The following MLLT10 variants were observed in gnomAD, a reference collection of about 807,000 sequenced individuals.
MLLT10 encodes protein AF-10.
MLLT10 carries 30 observed loss-of-function variants against 129.1 expected under a neutral mutation model. That is an observed-to-expected ratio of 0.23 (90% CI 0.17 to 0.32). The LOEUF is 0.32. MLLT10 is among the 10% of genes least tolerant of loss of function. The probability of loss-of-function intolerance (pLI) is 1.00; values close to 1 mark genes in which losing one functional copy is unlikely to be tolerated. For missense variants in MLLT10, 1,119 were observed against 1,268.3 expected (o/e 0.88, Z 1.79); for synonymous variants, 490 against 446.4 (o/e 1.10, Z -1.23).
At chr10:21,736,867 G>C (rs74884434) in intron 21 of MLLT10, among the ~76,000 whole-genome samples, 198 of 152,310 alleles carry the variant, frequency 1.3e-3, no homozygotes, top group African/African-American at 4.5e-3. Flanking sequence ...AGAGCCATCA[G>C]ATTTGATGCG....
In MLLT10 at chr10:21,572,499, G is replaced by T. The variant is rs141063326; in HGVS notation, c.241-13795G>T. On this transcript the variant is annotated intron_variant, in intron 3 of 22. Coordinates refer to ENST00000307729, the MANE Select transcript of MLLT10 (RefSeq NM_001195626.3). The stretch of plus-strand genomic sequence containing the variant: ...GAGAACTGACATCTTAACAACGATT[G>T]AGTCTTAATCATTAGTATAGTATAT... Among the ~76,000 whole-genome samples the T allele has an allele frequency of 1.6e-4, 25 of 152,282 alleles. No homozygotes were observed. The East Asian group carries it at 3.7e-3, about 22-fold the overall frequency.
chr10:21,711,457 T>A (rs1280676652), intron 13 of MLLT10, among the ~76,000 whole-genome samples: 1 of 151,630 alleles, frequency 6.6e-6, no homozygotes, highest in Non-Finnish European at 1.5e-5. Context: ...GCATGGTGGC[T>A]CATGCGTGTG....
chr10:21,651,064 TTTGTTTTG>T (rs1371684190), intron 8 of MLLT10, among the ~76,000 whole-genome samples: 2 of 151,780 alleles, frequency 1.3e-5, no homozygotes. Context: ...TTTGTTTTGT[TTTGTTTTG>T]TTTTGTTTTG....
In MLLT10 at chr10:21,733,763, G is replaced by T. The variant is rs761084976; in HGVS notation, c.2497-5G>T. ...GGACTTAGTTTCTCTTCTTTCTTAC[G>T]CTAGGACTTAACCTCCAGTGGACAA... On this transcript the variant is annotated splice_polypyrimidine_tract_variant and splice_region_variant and intron_variant, in intron 19 of 22. Coordinates refer to ENST00000307729, the MANE Select transcript of MLLT10 (RefSeq NM_001195626.3). 5.0e-6 allele frequency: 8 copies of T among 1,606,064 alleles called. No individual in the cohort carries two copies. The Admixed American group carries it at 1.0e-4, about 20-fold the overall frequency.
At chr10:21,580,389 A>T (rs912681507) in intron 3 of MLLT10, among the ~76,000 whole-genome samples, 17 of 129,648 alleles carry the variant, frequency 1.3e-4, no homozygotes, top group South Asian at 4.9e-4. Flanking sequence ...TATTTTGTGT[A>T]TTTTTTTTTT....
intron 13 of MLLT10, among the ~76,000 whole-genome samples, chr10:21,689,693 G>C (rs1324047109): frequency 7.1e-6 from 1 of 141,782 alleles, no homozygotes; most frequent in East Asian, 2.1e-4. Context: ...TTACCTCCAA[G>C]ATACTGATAT....
chr10:21,676,022 C>T (rs1011774588), intron 11 of MLLT10, among the ~76,000 whole-genome samples: 2 of 152,052 alleles, frequency 1.3e-5, no homozygotes, highest in Admixed American at 6.6e-5. Context: ...TCTTACCTTA[C>T]CATTAGGTAA....
intron 14 of MLLT10, among the ~76,000 whole-genome samples, chr10:21,723,891 A>G (rs2057302428): frequency 1.3e-5 from 2 of 152,180 alleles, no homozygotes; most frequent in Non-Finnish European, 2.9e-5. Flanking sequence ...GACTGGTAAT[A>G]TCTGTTTTTT....
chr10:21,673,318 C>CATTTTTTT, intron 10 of MLLT10, 32 bp from the exon 11 acceptor site: 1 of 307,342 alleles, frequency 3.3e-6, no homozygotes, highest in South Asian at 7.0e-5. Flanking sequence ...CACCCCCCAA[C>CATTTTTTT]TTTTTTTTTT....
intron 8 of MLLT10, 42 bp from the exon 9 acceptor site, chr10:21,651,631 A>T (rs778896531): frequency 7.2e-7 from 1 of 1,387,764 alleles, no homozygotes; most frequent in South Asian, 1.2e-5. Flanking sequence ...ATATGGGGTT[A>T]TAGTTAAATT....
At chr10:21,648,193 T>C (rs2048687581) in intron 8 of MLLT10, among the ~76,000 whole-genome samples, 1 of 152,240 alleles carries the variant, frequency 6.6e-6, no homozygotes, top group South Asian at 2.1e-4. Context: ...CATATGTTTT[T>C]AGTGACAGTC....
At chr10:21,539,408 A>G (rs1286414926) in intron 3 of MLLT10, among the ~76,000 whole-genome samples, 2 of 151,362 alleles carry the variant, frequency 1.3e-5, no homozygotes, top group African/African-American at 4.9e-5. Context: ...ACCAACATAA[A>G]AATCTTTTTT....
intron 2 of MLLT10, among the ~76,000 whole-genome samples, chr10:21,537,037 C>T (rs1034718082): frequency 5.9e-5 from 9 of 152,038 alleles, no homozygotes; most frequent in Admixed American, 4.6e-4. Flanking sequence ...ATCTGCCTGC[C>T]TTGGCCTTCC....
At chr10:21,580,123 A>T (rs1320654651) in intron 3 of MLLT10, among the ~76,000 whole-genome samples, 1 of 150,262 alleles carries the variant, frequency 6.7e-6, no homozygotes. Context: ...GGCACAAGTG[A>T]TCCTCCTGCC....
rs558524708 is a variant in MLLT10, at chr10:21,653,177, T to G, written c.795+1409T>G. Reference sequence around the variant, plus strand: ...AGAAGTCTGGGTGGACTCAGCTGTTTCCTCTAATTAGGGTCTCTCAAGGCC... The same window carrying G: ...AGAAGTCTGGGTGGACTCAGCTGTTGCCTCTAATTAGGGTCTCTCAAGGCC... On this transcript the variant is annotated intron_variant, in intron 9 of 22. Transcript: ENST00000307729. Among the ~76,000 whole-genome samples the G allele has an allele frequency of 2.0e-5, 3 of 152,232 alleles. No homozygotes were observed. The East Asian group carries it at 5.8e-4, about 29-fold the overall frequency.
chr10:21,591,924 T>TA (rs2042548637), intron 4 of MLLT10, among the ~76,000 whole-genome samples: 1 of 152,214 alleles, frequency 6.6e-6, no homozygotes, highest in African/African-American at 2.4e-5. Flanking sequence ...TTTCACTATA[T>TA]TGGCCAGGCT....
At chr10:21,698,316 T>G (rs1243416839) in intron 13 of MLLT10, among the ~76,000 whole-genome samples, 1 of 152,180 alleles carries the variant, frequency 6.6e-6, no homozygotes, top group Non-Finnish European at 1.5e-5. Flanking sequence ...TGAGCACATG[T>G]GGTATTTGTC....
chr10:21,658,891 C>T (rs559422462), intron 9 of MLLT10, among the ~76,000 whole-genome samples: 1 of 152,266 alleles, frequency 6.6e-6, no homozygotes, highest in Admixed American at 6.5e-5. Context: ...TGGTCTCAAT[C>T]TCTGGACCTC....
chr10:21,684,857 T>C (rs1175453912), intron 13 of MLLT10, among the ~76,000 whole-genome samples: 1 of 152,222 alleles, frequency 6.6e-6, no homozygotes, highest in Non-Finnish European at 1.5e-5. Flanking sequence ...CTACTTGTAG[T>C]TTCCTGATGT....
Sources: allele counts gnomAD v4.1 joint callset (sites outside exome capture counted in the v4.1 genomes callset), GRCh38; gene constraint gnomAD v4.1.1; transcripts MANE v1.5; gene names NCBI Gene and HGNC (gene_info 2026-07-23, HGNC 2026-07-21).